The following STUB1 variants were observed in gnomAD, a reference collection of about 807,000 sequenced individuals.
STUB1 encodes STIP1 homology and U-box containing protein 1, also known as E3 ubiquitin-protein ligase CHIP.
Under a neutral mutation model 40.3 loss-of-function variants are expected in STUB1, and 37 were observed. The ratio of observed to expected loss-of-function variants is 0.92; its 90% confidence interval spans 0.71 to 1.21. The LOEUF is 1.21. STUB1 is among the 50% of genes most tolerant of loss of function. The pLI, the probability that STUB1 is intolerant of heterozygous loss-of-function variation, is 0.00. For missense variants in STUB1, 460 were observed against 421.9 expected (o/e 1.09, Z -0.79); for synonymous variants, 246 against 171.9 (o/e 1.43, Z -3.37).
Position 681,462 on chromosome 16 carries a change from G to A in STUB1, c.383G>A (p.Arg128Gln), listed in dbSNP as rs751805616. 5 of 1,612,602 alleles carry A rather than the reference G, an allele frequency of 3.1e-6. No homozygotes were observed. Among genetic ancestry groups the A allele is most frequent in the Non-Finnish European group, 4.2e-6 (5 of 1,179,788 alleles). The change falls in exon 3 of 7, where the codon CGG becomes CAG. Residue 128 changes from arginine (R) to glutamine (Q), a missense_variant. By Grantham distance (43) the Arg-to-Gln change is conservative. Transcript: ENST00000219548. ...QRAYSLAKEQRLNFGDDIPSA... is the reference protein window; with the variant it reads ...QRAYSLAKEQQLNFGDDIPSA... Reference sequence around the variant, plus strand: ...GCTTACAGCCTGGCCAAGGAGCAGCGGCTGAACTTCGGGGACGACATCCCC... The same window carrying A: ...GCTTACAGCCTGGCCAAGGAGCAGCAGCTGAACTTCGGGGACGACATCCCC...
Position 680,642 on chromosome 16 carries a change from C to T in STUB1, c.117C>T (p.Gly39=). 2 of 1,342,108 alleles carry T rather than the reference C, an allele frequency of 1.5e-6. No homozygotes were observed. Among genetic ancestry groups the T allele is most frequent in the South Asian group, 2.1e-5 (1 of 48,476 alleles). 83.1% of individuals were successfully genotyped at this position (1,342,108 alleles called of 1,614,324 possible). A position where few individuals can be genotyped will look rare whatever the true frequency, so the allele number is the denominator to read the frequency against. The change falls in exon 1 of 7, where the codon GGC becomes GGT. Residue 39 remains glycine, a synonymous_variant. Transcript: ENST00000219548. The surrounding 1 kb of genome is among the most constrained non-coding windows in gnomAD (Gnocchi z 4.9). ...LKEQGNRLFV[G]RKYPEAAACY... ...AGCAGGGCAATCGTCTGTTCGTGGG[C>T]CGAAAGTACCCGGAGGCGGCGGCCT...
intron 5 of STUB1, 30 bp from the exon 6 acceptor site, chr16:682,135 A>G: frequency 6.3e-7 from 1 of 1,590,886 alleles, no homozygotes; most frequent in Non-Finnish European, 8.6e-7. Context: ...GCCCCTTTTC[A>G]GCCTCTGACC....
At position 682,263 on chromosome 16, in the gene STUB1, C is replaced by T. The variant is rs2039695802; in HGVS notation, c.768C>T (p.Asp256=). ...TPSGITYDRK[D]IEEHLQRVGH... ...GTGGCATCACCTACGACCGCAAGGA[C>T]ATCGAGGAGCACCTGCAGGTGAGGC... The change falls in exon 6 of 7, where the codon GAC becomes GAT. Residue 256 remains aspartate, a synonymous_variant. Transcript: ENST00000219548. 3 of 1,606,358 alleles carry T rather than the reference C, an allele frequency of 1.9e-6. No individual in the cohort carries two copies. The highest frequency in any genetic ancestry group is 2.5e-6 in the Non-Finnish European group (3 of 1,178,982).
chr16:682,590 C>G lies in STUB1; in HGVS notation c.*101C>G. 6.5e-7 allele frequency: 1 copy of G among 1,537,468 alleles called. No individual in the cohort carries two copies. On this transcript the variant is annotated 3_prime_UTR_variant, in exon 7 of 7. Coordinates refer to ENST00000219548, the MANE Select transcript of STUB1 (RefSeq NM_005861.4). ...GTTCCTGGCCACCCCGACCGCTTCC[C>G]CCAAGTTCTGCTGTTGGACTCTGGA...
Position 681,175 on chromosome 16 carries a change from G to A in STUB1, c.183G>A (p.Val61=), listed in dbSNP as rs2039644728. 1.3e-6 allele frequency: 2 copies of A among 1,578,186 alleles called. No individual in the cohort carries two copies. Among genetic ancestry groups the A allele is most frequent in the African/African-American group, 1.3e-5 (1 of 74,238 alleles). The change falls in exon 2 of 7, where the codon GTG becomes GTA. Residue 61 remains valine (V), a synonymous_variant. Transcript: ENST00000219548. The part of the protein sequence containing the change: ...RAITRNPLVA[V]YYTNRALCYL... ...AGACCCGGAACCCGCTGGTGGCCGT[G>A]TATTACACCAACCGGGCCTTGTGCT...
intron 1 of STUB1, 53 bp from the exon 2 acceptor site, chr16:681,099 G>A: frequency 6.6e-7 from 1 of 1,513,670 alleles, no homozygotes; most frequent in Non-Finnish European, 8.9e-7. Context: ...GTGGGTCAGA[G>A]TGGGCACGCT....
Position 682,475 on chromosome 16 carries a change from G to A in STUB1, c.898G>A (p.Val300Met), listed in dbSNP as rs1275049962. 1.9e-6 allele frequency: 3 copies of A among 1,613,378 alleles called. No homozygotes were observed. The highest frequency in any genetic ancestry group is 2.5e-6 in the Non-Finnish European group (3 of 1,180,014). The change falls in exon 7 of 7, where the codon GTG becomes ATG. Residue 300 changes from valine (V) to methionine (M), a missense_variant. By Grantham distance (21) the Val-to-Met change is conservative. Coordinates refer to ENST00000219548, the MANE Select transcript of STUB1 (RefSeq NM_005861.4). ...IDAFISENGW[V>M]EDY is the part of the protein sequence containing the mutation. ...CGCATTCATCTCTGAGAATGGCTGG[G>A]TGGAGGACTACTGAGGTTCCCTGCC...
Position 682,155 on chromosome 16 carries a change from T to G in STUB1, c.670-10T>G, listed in dbSNP as rs2039690390. The G allele has an allele frequency of 6.2e-7, 1 of 1,602,132 alleles. No homozygotes were observed. Among genetic ancestry groups the G allele is most frequent in the Admixed American group, 1.7e-5 (1 of 59,784 alleles). The stretch of plus-strand genomic sequence containing the variant: ...TTTTCAGCCTCTGACCGTGTGCCCC[T>G]GTGCCACAGAAGCGAGACATCCCCG... On this transcript the variant is annotated splice_polypyrimidine_tract_variant and intron_variant, in intron 5 of 6. Coordinates refer to ENST00000219548, the MANE Select transcript of STUB1 (RefSeq NM_005861.4).
chr16:682,011 T>A lies in STUB1; in HGVS notation c.613-9T>A. On this transcript the variant is annotated splice_polypyrimidine_tract_variant and intron_variant, in intron 4 of 6. Coordinates refer to ENST00000219548, the MANE Select transcript of STUB1 (RefSeq NM_005861.4). ...GTCTCCCCCAAGCACAGCACTCAAC[T>A]CTTCACAGGACAAGTACATGGCGGA... 1 of 1,607,842 alleles carries A rather than the reference T, an allele frequency of 6.2e-7. No individual in the cohort carries two copies. Among genetic ancestry groups the A allele is most frequent in the Non-Finnish European group, 8.5e-7 (1 of 1,175,480 alleles).
chr16:681,775 C>A lies in STUB1; in HGVS notation c.525-18C>A, dbSNP rs1274466455. On this transcript the variant is annotated intron_variant, in intron 3 of 6. Coordinates refer to ENST00000219548, the MANE Select transcript of STUB1 (RefSeq NM_005861.4). ...TCTGGCCAGGTCCATCTCTGACCGG[C>A]TCCTGGTCAACCCCCAGGGAGCTGG... The A allele has an allele frequency of 5.1e-6, 8 of 1,582,908 alleles. No homozygotes were observed. The highest frequency in any genetic ancestry group is 6.9e-6 in the Non-Finnish European group (8 of 1,160,006).
chr16:682,247 C>T lies in STUB1; in HGVS notation c.752C>T (p.Thr251Ile). 1 of 1,612,552 alleles carries T rather than the reference C, an allele frequency of 6.2e-7. No individual in the cohort carries two copies. Among genetic ancestry groups the T allele is most frequent in the Non-Finnish European group, 8.5e-7 (1 of 1,179,840 alleles). The change falls in exon 6 of 7, where the codon ACC (threonine) becomes ATC (isoleucine). Residue 251 changes from threonine (T) to isoleucine (I), a missense_variant. By Grantham distance (89) the Thr-to-Ile change is moderately conservative. Coordinates refer to ENST00000219548, the MANE Select transcript of STUB1 (RefSeq NM_005861.4). ...REPCITPSGITYDRKDIEEHL... is the reference protein window; with the variant it reads ...REPCITPSGIIYDRKDIEEHL... ...CCGTGCATCACGCCCAGTGGCATCA[C>T]CTACGACCGCAAGGACATCGAGGAG...
At position 681,565 on chromosome 16, in the gene STUB1, C is replaced by T. The variant is rs1410313056; in HGVS notation, c.486C>T (p.His162=). 2 of 1,611,222 alleles carry T rather than the reference C, an allele frequency of 1.2e-6. No individual in the cohort carries two copies. Among genetic ancestry groups the T allele is most frequent in the Non-Finnish European group, 1.7e-6 (2 of 1,179,748 alleles). Residue 162 remains histidine, a synonymous_variant, in exon 3 of 7, where the codon CAC becomes CAT. Coordinates refer to ENST00000219548, the MANE Select transcript of STUB1 (RefSeq NM_005861.4). Reference sequence around the variant, plus strand: ...GCATCCACCAGGAGAGCGAGCTGCACTCCTACCTCTCCAGGCTCATTGCCG... The same window carrying T: ...GCATCCACCAGGAGAGCGAGCTGCATTCCTACCTCTCCAGGCTCATTGCCG... ...ERRIHQESEL[H]SYLSRLIAAE...
intron 3 of STUB1, 75 bp from the exon 4 acceptor site, chr16:681,718 T>A (rs1359693228): frequency 6.4e-7 from 1 of 1,552,354 alleles, no homozygotes; most frequent in East Asian, 2.3e-5. Context: ...GAAGTGTGGA[T>A]GTTAGCTCTG....
chr16:680,766 C>A lies in STUB1; in HGVS notation c.159+82C>A. The A allele has an allele frequency of 8.9e-7, 1 of 1,119,648 alleles. No homozygotes were observed. The allele number at this position is 1,119,648 out of a possible 1,614,324, so 69.4% of individuals were successfully genotyped here. The stretch of plus-strand genomic sequence containing the variant: ...GGGCCCGGCCGGCCCCACCGAGGGT[C>A]TGGCTCCTCTTCGGGGCGTGTCCTC... On this transcript the variant is annotated intron_variant, in intron 1 of 6. Transcript: ENST00000219548. The surrounding 1 kb of genome is among the most constrained non-coding windows in gnomAD (Gnocchi z 4.9).
chr16:681,887 G>C lies in STUB1; in HGVS notation c.612+7G>C, dbSNP rs762305489. The C allele has an allele frequency of 6.2e-7, 1 of 1,613,020 alleles. No homozygotes were observed. Among genetic ancestry groups the C allele is most frequent in the South Asian group, 1.1e-5 (1 of 91,078 alleles). On this transcript the variant is annotated splice_region_variant and intron_variant, in intron 4 of 6. Transcript: ENST00000219548. ...CTGCATTGAGGCCAAGCACGTGAGGGTGCCCCCCACCCACATGTGGGTCTG... is the reference window on the plus strand; with the variant it reads ...CTGCATTGAGGCCAAGCACGTGAGGCTGCCCCCCACCCACATGTGGGTCTG...
Position 682,584 on chromosome 16 carries a change from G to A in STUB1, c.*95G>A, listed in dbSNP as rs547481495. On this transcript the variant is annotated 3_prime_UTR_variant, in exon 7 of 7. Coordinates refer to ENST00000219548, the MANE Select transcript of STUB1 (RefSeq NM_005861.4). The stretch of plus-strand genomic sequence containing the variant: ...GTTTATGTTCCTGGCCACCCCGACC[G>A]CTTCCCCCAAGTTCTGCTGTTGGAC... The A allele has an allele frequency of 3.6e-5, 55 of 1,547,476 alleles. No homozygotes were observed. Among genetic ancestry groups the A allele is most frequent in the Middle Eastern group, 3.5e-4 (2 of 5,734 alleles).
rs370018797 is a variant in STUB1 at position 681,167 on chromosome 16, G to A, written c.175G>A (p.Val59Met). 6.4e-7 allele frequency: 1 copy of A among 1,567,452 alleles called. No individual in the cohort carries two copies. Among genetic ancestry groups the A allele is most frequent in the Non-Finnish European group, 8.6e-7 (1 of 1,156,858 alleles). ...TGGTCCCTAGACCCGGAACCCGCTG[G>A]TGGCCGTGTATTACACCAACCGGGC... ...YGRAITRNPLVAVYYTNRALC... is the reference protein window; with the variant it reads ...YGRAITRNPLMAVYYTNRALC... Residue 59 changes from valine to methionine, a missense_variant, in exon 2 of 7, where the codon GTG becomes ATG. Coordinates refer to ENST00000219548, the MANE Select transcript of STUB1 (RefSeq NM_005861.4).
intron 1 of STUB1, 50 bp from the exon 2 acceptor site, chr16:681,102 G>A: frequency 1.3e-6 from 2 of 1,513,984 alleles, no homozygotes; most frequent in Non-Finnish European, 1.8e-6. Context: ...GGTCAGAGTG[G>A]GCACGCTGAG....
Position 680,659 on chromosome 16 carries a change from C to A in STUB1, c.134C>A (p.Ala45Glu), listed in dbSNP as rs2151503733. 2 of 1,300,552 alleles carry A rather than the reference C, an allele frequency of 1.5e-6. No homozygotes were observed. The highest frequency in any genetic ancestry group is 1.5e-5 in the African/African-American group (1 of 64,820). 80.6% of individuals were successfully genotyped at this position (1,300,552 alleles called of 1,614,324 possible). A position where few individuals can be genotyped will look rare whatever the true frequency, so the allele number is the denominator to read the frequency against. Residue 45 changes from alanine to glutamate, a missense_variant, in exon 1 of 7, where the codon GCG becomes GAG. Transcript: ENST00000219548. This position sits in a 1 kb window ranked among gnomAD's most constrained non-coding sequence, Gnocchi z 4.9. Reference protein sequence around the residue: ...RLFVGRKYPEAAACYGRAITR... With the variant: ...RLFVGRKYPEEAACYGRAITR... ...TTCGTGGGCCGAAAGTACCCGGAGG[C>A]GGCGGCCTGCTACGGCCGCGCGATC... is the stretch of plus-strand genomic sequence containing the variant.
Sources: allele counts gnomAD v4.1 joint callset, GRCh38; gene constraint gnomAD v4.1.1; non-coding constraint Gnocchi (gnomAD v3.1); transcripts MANE v1.5; gene names NCBI Gene and HGNC (gene_info 2026-07-23, HGNC 2026-07-21).